Variants in ZNF766 observed in about 807,000 individuals in gnomAD.
ZNF766 encodes zinc finger protein 766.
A neutral mutation model predicts 13.2 loss-of-function variants in ZNF766; 13 were observed. That is an observed-to-expected ratio of 0.98 (90% CI 0.64 to 1.56). ZNF766 has a LOEUF of 1.56. Ranked by LOEUF, ZNF766 falls within the 40% of genes most tolerant of loss-of-function variation. The probability of loss-of-function intolerance (pLI) is 0.00; values close to 1 mark genes in which losing one functional copy is unlikely to be tolerated. For missense variants in ZNF766, 521 were observed against 552.2 expected (o/e 0.94, Z 0.57); for synonymous variants, 178 against 187.6 (o/e 0.95, Z 0.42).
intron 1 of ZNF766, among the ~76,000 whole-genome samples, chr19:52,279,117 T>C (rs1981356355): frequency 6.6e-6 from 1 of 152,208 alleles, no homozygotes; most frequent in Non-Finnish European, 1.5e-5. Context: ...CCAGCACCGT[T>C]TATGAAATAG....
chr19:52,276,452 A>C, intron 1 of ZNF766, among the ~76,000 whole-genome samples: 1 of 152,102 alleles, frequency 6.6e-6, no homozygotes, highest in South Asian at 2.1e-4. Context: ...GACCCCATGC[A>C]CTGTATACTC....
rs749061754 is a variant in ZNF766 at position 52,269,742 on chromosome 19, A to G, written c.18+111A>G. 7.1e-4 allele frequency: 964 copies of G among 1,358,182 alleles called. 2 individuals are homozygous for G. Among genetic ancestry groups the G allele is most frequent in the Non-Finnish European group, 9.1e-4 (903 of 995,650 alleles). The allele number at this position is 1,358,182 out of a possible 1,614,324, so 84.1% of individuals were successfully genotyped here. On this transcript the variant is annotated intron_variant, in intron 1 of 3. Coordinates refer to ENST00000439461, the MANE Select transcript of ZNF766 (RefSeq NM_001010851.3). ...TTGAAATCCCCGCACCGCTCTCTCC[A>G]CCCCGAGTAAATTCATGCGTCCCGT...
At chr19:52,289,950 G>C in intron 3 of ZNF766, 116 bp from the exon 4 acceptor site, 2 of 1,059,660 alleles carry the variant, frequency 1.9e-6, no homozygotes, top group Admixed American at 2.9e-5. Context: ...GCAGTGATCC[G>C]AGATCGTGCC....
At position 52,295,828 on chromosome 19, in the gene ZNF766, C is replaced by CT. The variant is rs1982323180; in HGVS notation, c.*4631dup. 6.6e-6 allele frequency: 1 copy of CT among 151,196 alleles called. No homozygotes were observed. The highest frequency in any genetic ancestry group is 2.5e-5 in the African/African-American group (1 of 40,770). 9.4% of individuals were successfully genotyped at this position (151,196 alleles called of 1,614,324 possible). ...CTTCACCTCCCGGGAGCATGCTGCTCTATCTTTTTTTTCAGATGTTTGAGC... is the reference window on the plus strand; with the variant it reads ...CTTCACCTCCCGGGAGCATGCTGCTCTTATCTTTTTTTTCAGATGTTTGAGC... On this transcript the variant is annotated 3_prime_UTR_variant, in exon 4 of 4. Transcript: ENST00000439461.
intron 1 of ZNF766, among the ~76,000 whole-genome samples, chr19:52,276,562 T>C (rs772121064): frequency 3.3e-5 from 5 of 152,136 alleles, no homozygotes; most frequent in Admixed American, 6.6e-5. Context: ...TGGTACCTCA[T>C]TGGTTTTGTT....
intron 1 of ZNF766, chr19:52,281,284 C>G: frequency 5.5e-6 from 1 of 181,288 alleles, no homozygotes; most frequent in South Asian, 9.2e-5. Flanking sequence ...TTTGGGAGGC[C>G]GAGGTAGGTG....
chr19:52,272,862 C>T (rs1425534986), intron 1 of ZNF766, among the ~76,000 whole-genome samples: 1 of 152,162 alleles, frequency 6.6e-6, no homozygotes, highest in Non-Finnish European at 1.5e-5. Context: ...CAGGCATCTC[C>T]ACCTTCGTAT....
intron 1 of ZNF766, 103 bp from the exon 2 acceptor site, chr19:52,282,008 G>A (rs1487963034): frequency 1.1e-5 from 16 of 1,395,724 alleles, no homozygotes; most frequent in Middle Eastern, 1.9e-4. Flanking sequence ...GAATGTTCAC[G>A]TCAGCACTTC....
chr19:52,281,603 A>G (rs985084573), intron 1 of ZNF766, among the ~76,000 whole-genome samples: 3 of 152,212 alleles, frequency 2.0e-5, no homozygotes, highest in Non-Finnish European at 2.9e-5. Flanking sequence ...ATACATGTGT[A>G]TGCATATAGA....
In ZNF766 at chr19:52,291,211, C is replaced by CT. The variant is rs1982128441; in HGVS notation, c.*14dup. 3 of 1,546,244 alleles carry CT rather than the reference C, an allele frequency of 1.9e-6. No homozygotes were observed. Among genetic ancestry groups the CT allele is most frequent in the Non-Finnish European group, 2.6e-6 (3 of 1,149,430 alleles). On this transcript the variant is annotated 3_prime_UTR_variant, in exon 4 of 4. Coordinates refer to ENST00000439461, the MANE Select transcript of ZNF766 (RefSeq NM_001010851.3). Reference sequence around the variant, plus strand: ...CCTTACAAACTGAGTTTGGCAAACTCTATCATAAGTTCTAGCAGTAATCAA... The same window carrying CT: ...CCTTACAAACTGAGTTTGGCAAACTCTTATCATAAGTTCTAGCAGTAATCAA...
chr19:52,280,162 C>T (rs894177550), intron 1 of ZNF766, among the ~76,000 whole-genome samples: 12 of 152,072 alleles, frequency 7.9e-5, no homozygotes, highest in Admixed American at 6.6e-5. Flanking sequence ...ACTATTTATA[C>T]ATTTTTATTG....
intron 3 of ZNF766, among the ~76,000 whole-genome samples, chr19:52,288,463 A>AT (rs1430024756): frequency 6.6e-6 from 1 of 152,112 alleles, no homozygotes; most frequent in African/African-American, 2.4e-5. Context: ...TAGATCCTGG[A>AT]ATCCAGTGAT....
intron 3 of ZNF766, 114 bp from the exon 4 acceptor site, chr19:52,289,952 G>A: frequency 9.3e-7 from 1 of 1,070,342 alleles, no homozygotes; most frequent in Non-Finnish European, 1.3e-6. Flanking sequence ...AGTGATCCGA[G>A]ATCGTGCCAC....
chr19:52,295,901 T>A lies in ZNF766; in HGVS notation c.*4703T>A, dbSNP rs1982326305. 6.6e-6 allele frequency: 1 copy of A among 152,044 alleles called. No individual in the cohort carries two copies. The highest frequency in any genetic ancestry group is 2.1e-4 in the South Asian group (1 of 4,828). 9.4% of individuals were successfully genotyped at this position (152,044 alleles called of 1,614,324 possible). A position where few individuals can be genotyped will look rare whatever the true frequency, so the allele number is the denominator to read the frequency against. On this transcript the variant is annotated 3_prime_UTR_variant, in exon 4 of 4. Transcript: ENST00000439461. ...CTGTTGGTTTGTTTTGTTTTTTGCT[T>A]TTCTACATAATTGTTTGGATAATCT...
chr19:52,283,443 C>A, intron 3 of ZNF766, 30 bp downstream of exon 3: 1 of 1,510,592 alleles, frequency 6.6e-7, no homozygotes. Context: ...GAGTGAAAGC[C>A]ACACTTTTTT....
At chr19:52,272,666 C>T (rs920043694) in intron 1 of ZNF766, among the ~76,000 whole-genome samples, 2 of 151,962 alleles carry the variant, frequency 1.3e-5, no homozygotes, top group African/African-American at 2.4e-5. Flanking sequence ...CTGGGTTTCC[C>T]TATGTTGAAT....
At position 52,290,519 on chromosome 19, in the gene ZNF766, A is replaced by G. The variant is rs369701062; in HGVS notation, c.728A>G (p.Tyr243Cys). 38 of 1,614,200 alleles carry G rather than the reference A, an allele frequency of 2.4e-5. No homozygotes were observed. The highest frequency in any genetic ancestry group is 3.2e-5 in the Non-Finnish European group (38 of 1,180,016). ...AGAATTCGTACAGGAGAGAAACCTTACAAATGTAAAGAGTGTGGCAAGCTC... is the reference window on the plus strand; with the variant it reads ...AGAATTCGTACAGGAGAGAAACCTTGCAAATGTAAAGAGTGTGGCAAGCTC... ...HWRIRTGEKP[Y>C]KCKECGKLFN... The change falls in exon 4 of 4, where the codon TAC becomes TGC. Residue 243 changes from tyrosine to cysteine, a missense_variant. Transcript: ENST00000439461.
rs777241234 is a variant in ZNF766, at chr19:52,290,244, A to C, written c.453A>C (p.Arg151Ser). 1.2e-5 allele frequency: 19 copies of C among 1,613,940 alleles called. No homozygotes were observed. Among genetic ancestry groups the C allele is most frequent in the Non-Finnish European group, 1.4e-5 (17 of 1,179,874 alleles). The stretch of plus-strand genomic sequence containing the variant: ...GTTCTTCAGTTTCGCCACTTCAAAG[A>C]ATTTACTCTGGGGTCAAAACCCACA... ...SHSSSVSPLQRIYSGVKTHIF... is the reference protein window; with the variant it reads ...SHSSSVSPLQSIYSGVKTHIF... Residue 151 changes from arginine to serine, a missense_variant, in exon 4 of 4, where the codon AGA becomes AGC. Physicochemically the swap from Arg to Ser is moderately radical, Grantham distance 110. Coordinates refer to ENST00000439461, the MANE Select transcript of ZNF766 (RefSeq NM_001010851.3).
intron 3 of ZNF766, among the ~76,000 whole-genome samples, chr19:52,285,984 C>A (rs1342774195): frequency 1.3e-5 from 2 of 152,074 alleles, no homozygotes; most frequent in African/African-American, 4.8e-5. Context: ...TGGAACGTGT[C>A]CTCCCTGGAT....
Sources: allele counts gnomAD v4.1 joint callset (sites outside exome capture counted in the v4.1 genomes callset), GRCh38; gene constraint gnomAD v4.1.1; transcripts MANE v1.5; gene names NCBI Gene and HGNC (gene_info 2026-07-23, HGNC 2026-07-21).